SPON1: variants seen among roughly 807,000 people sequenced by gnomAD.
SPON1 encodes spondin 1, also known as spondin-1.
SPON1 carries 52 observed loss-of-function variants against 111.7 expected under a neutral mutation model. The ratio of observed to expected loss-of-function variants is 0.47; its 90% CI spans 0.37 to 0.59. The LOEUF (loss-of-function observed/expected upper bound fraction) is 0.59. SPON1 is among the 20% of genes least tolerant of loss of function. The pLI, the probability that SPON1 is intolerant of heterozygous loss-of-function variation, is 0.00. For synonymous variants in SPON1, 410 were observed against 395.8 expected (o/e 1.04, Z -0.43); for missense variants, 957 against 1,068.5 (o/e 0.90, Z 1.46).
chr11:14,191,621 C>T (rs1382873834), intron 6 of SPON1, among the ~76,000 whole-genome samples: 3 of 152,174 alleles, frequency 2.0e-5, no homozygotes, highest in Non-Finnish European at 4.4e-5. Flanking sequence ...TGCACACAGT[C>T]CTGGGCCAAA....
At chr11:14,015,976 A>G (rs1848441511) in intron 2 of SPON1, among the ~76,000 whole-genome samples, 1 of 152,164 alleles carries the variant, frequency 6.6e-6, no homozygotes, top group African/African-American at 2.4e-5. Flanking sequence ...TTTTCTTCTC[A>G]TGGTTCAGTG....
chr11:14,080,034 G>C lies in SPON1; in HGVS notation c.676+13G>C, dbSNP rs1157563372. 1 of 1,613,778 alleles carries C rather than the reference G, an allele frequency of 6.2e-7. No individual in the cohort carries two copies. Among genetic ancestry groups the C allele is most frequent in the African/African-American group, 1.3e-5 (1 of 75,006 alleles). ...AAGGATTACCCTCGTGAGTAGAGTG[G>C]CTACTCTGTGGTTTGGGGAAAAGCA... is the stretch of plus-strand genomic sequence containing the variant. On this transcript the variant is annotated intron_variant, in intron 5 of 15. Coordinates refer to ENST00000576479, the MANE Select transcript of SPON1 (RefSeq NM_006108.4).
In SPON1 at chr11:14,088,511, T is replaced by G. The variant is rs916176499; in HGVS notation, c.676+8490T>G. ...CTGCAGAGAGATCTGCTGTTAGTCT[T>G]ATGGGCTTCCCTTTGTGGGTAACCT... On this transcript the variant is annotated intron_variant, in intron 5 of 15. Coordinates refer to ENST00000576479, the MANE Select transcript of SPON1 (RefSeq NM_006108.4). Among the ~76,000 whole-genome samples the G allele has an allele frequency of 2.0e-5, 3 of 152,168 alleles. No individual in the cohort carries two copies. In the East Asian group the frequency reaches 5.8e-4, roughly 29 times the overall value.
intron 2 of SPON1, among the ~76,000 whole-genome samples, chr11:14,038,353 T>A (rs568950638): frequency 6.6e-6 from 1 of 150,652 alleles, no homozygotes; most frequent in Non-Finnish European, 1.5e-5. Flanking sequence ...CCTGTAATCC[T>A]AGCTACTTGG....
At chr11:13,968,683 GC>G (rs1554908301) in intron 1 of SPON1, among the ~76,000 whole-genome samples, 1 of 152,142 alleles carries the variant, frequency 6.6e-6, no homozygotes, top group African/African-American at 2.4e-5. Flanking sequence ...CACCGTTACA[GC>G]CGAGGAGAAC....
chr11:14,181,394 A>C (rs1396530384), intron 6 of SPON1, among the ~76,000 whole-genome samples: 1 of 152,224 alleles, frequency 6.6e-6, no homozygotes, highest in African/African-American at 2.4e-5. Context: ...GCAGGAAGTC[A>C]GTATCAGGCA....
At position 14,037,813 on chromosome 11, in the gene SPON1, A is replaced by C. The variant is rs142800360; in HGVS notation, c.346-3708A>C. ...AGAAGACAAGCCACAGATTTGAAGA[A>C]AGTATTTGCAAAAGACATATCTGAT... On this transcript the variant is annotated intron_variant, in intron 2 of 15. Coordinates refer to ENST00000576479, the MANE Select transcript of SPON1 (RefSeq NM_006108.4). Among the ~76,000 whole-genome samples the C allele has an allele frequency of 4.5e-4, 68 of 152,372 alleles. No homozygotes were observed. The East Asian group carries it at 0.012, about 27-fold the overall frequency.
chr11:14,171,788 G>A (rs570958754), intron 6 of SPON1, among the ~76,000 whole-genome samples: 4 of 152,262 alleles, frequency 2.6e-5, no homozygotes, highest in African/African-American at 9.6e-5. Flanking sequence ...CAGTTTCCAT[G>A]TAGTTGAGCG....
intron 2 of SPON1, among the ~76,000 whole-genome samples, chr11:14,011,925 T>G (rs1848407935): frequency 1.3e-5 from 2 of 152,300 alleles, no homozygotes; most frequent in South Asian, 4.1e-4. Context: ...GCACAATTCT[T>G]CAAACCTCAG....
rs186033266 is a variant in SPON1 at position 14,131,349 on chromosome 11, G to A, written c.677-4071G>A. 2.6e-4 allele frequency among the ~76,000 whole-genome samples: 40 copies of A among 152,118 alleles called. 1 individual carries two copies. The East Asian group carries it at 5.6e-3, about 21-fold the overall frequency. On this transcript the variant is annotated intron_variant, in intron 5 of 15. Coordinates refer to ENST00000576479, the MANE Select transcript of SPON1 (RefSeq NM_006108.4). Reference sequence around the variant, plus strand: ...GTATGTAACATGAGGATAAGGTTATGGTGAGGATTACACATAGGAGATCAT... The same window carrying A: ...GTATGTAACATGAGGATAAGGTTATAGTGAGGATTACACATAGGAGATCAT...
intron 6 of SPON1, among the ~76,000 whole-genome samples, chr11:14,240,060 A>G (rs1848908889): frequency 6.6e-6 from 1 of 152,222 alleles, no homozygotes; most frequent in African/African-American, 2.4e-5. Context: ...AGTCTTCATC[A>G]CAGCATCATT....
chr11:14,034,328 A>G (rs1184325332), intron 2 of SPON1, among the ~76,000 whole-genome samples: 2 of 151,140 alleles, frequency 1.3e-5, no homozygotes, highest in East Asian at 3.8e-4. Context: ...ACAGATTGAA[A>G]TGAATGACTG....
chr11:14,174,562 A>C (rs1432088164), intron 6 of SPON1, among the ~76,000 whole-genome samples: 6 of 152,016 alleles, frequency 3.9e-5, no homozygotes, highest in Admixed American at 3.9e-4. Context: ...TTTCCCCAAA[A>C]TGGGGCCTGT....
chr11:14,165,206 G>C (rs985701115), intron 6 of SPON1, among the ~76,000 whole-genome samples: 5 of 150,596 alleles, frequency 3.3e-5, no homozygotes, highest in African/African-American at 4.9e-5. Context: ...CAGCTTGGAG[G>C]TTAGAAGCAA....
intron 2 of SPON1, among the ~76,000 whole-genome samples, chr11:14,013,948 C>T (rs1177763630): frequency 6.6e-6 from 1 of 152,210 alleles, no homozygotes; most frequent in East Asian, 1.9e-4. Context: ...AAGTCAAAGC[C>T]TGTTTCCATT....
At chr11:14,244,516 CAAA>C (rs1335324550) in intron 7 of SPON1, among the ~76,000 whole-genome samples, 3 of 109,764 alleles carry the variant, frequency 2.7e-5, no homozygotes, top group African/African-American at 3.5e-5. Flanking sequence ...GAATCCATCT[CAAA>C]AAAAAAAAAA....
chr11:13,982,240 T>C (rs1462547421), intron 1 of SPON1, among the ~76,000 whole-genome samples: 2 of 152,288 alleles, frequency 1.3e-5, no homozygotes, highest in East Asian at 3.9e-4. Context: ...GTACTATCCA[T>C]GATTTCAGGC....
chr11:14,199,936 C>G (rs780178131), intron 6 of SPON1, among the ~76,000 whole-genome samples: 1 of 152,150 alleles, frequency 6.6e-6, no homozygotes, highest in African/African-American at 2.4e-5. Flanking sequence ...GCATATGTGC[C>G]CTGTTCATCA....
chr11:14,142,672 T>C (rs1847670157), intron 6 of SPON1, among the ~76,000 whole-genome samples: 1 of 152,192 alleles, frequency 6.6e-6, no homozygotes, highest in Admixed American at 6.5e-5. Flanking sequence ...GGAGCACATC[T>C]TCCTGAATGT....
Sources: allele counts gnomAD v4.1 joint callset (sites outside exome capture counted in the v4.1 genomes callset), GRCh38; gene constraint gnomAD v4.1.1; transcripts MANE v1.5; gene names NCBI Gene and HGNC (gene_info 2026-07-23, HGNC 2026-07-21).